Variants in FOXK2 observed in about 807,000 individuals in gnomAD.
The protein encoded by FOXK2 is forkhead box protein K2.
A neutral mutation model predicts 53.3 loss-of-function variants in FOXK2; 24 were observed. The observed-to-expected ratio is 0.45, with a 90% CI of 0.33 to 0.63. FOXK2 has a LOEUF of 0.63. Ranked by LOEUF, FOXK2 falls within the 30% of genes least tolerant of loss-of-function variation. The pLI is 0.03. For missense variants in FOXK2, 952 were observed against 910.5 expected, an observed-to-expected ratio of 1.05 and a Z score of -0.59; for synonymous variants, 505 against 407.1, an observed-to-expected ratio of 1.24 and a Z score of -2.89.
chr17:82,538,171 C>T (rs1397749696), intron 1 of FOXK2, among the ~76,000 whole-genome samples: 5 of 151,048 alleles, frequency 3.3e-5, no homozygotes, highest in Non-Finnish European at 7.4e-5. Flanking sequence ...TGCAGTGAGC[C>T]GAGATCGTGC....
At chr17:82,572,489 A>AT (rs10569874) in intron 4 of FOXK2, among the ~76,000 whole-genome samples, 210 of 143,390 alleles carry the variant, frequency 1.5e-3, no homozygotes, top group Middle Eastern at 3.6e-3. Flanking sequence ...CACACCAATA[A>AT]TTTTTTTTTT....
chr17:82,545,901 C>T (rs537297648), intron 1 of FOXK2, among the ~76,000 whole-genome samples: 1 of 152,030 alleles, frequency 6.6e-6, no homozygotes, highest in Non-Finnish European at 1.5e-5. Context: ...AGCTTTCTTA[C>T]CAACATGTTG....
intron 3 of FOXK2, among the ~76,000 whole-genome samples, chr17:82,570,083 G>A (rs1027029144): frequency 7.3e-5 from 11 of 151,626 alleles, no homozygotes; most frequent in African/African-American, 2.4e-4. Context: ...TTAGCTGGGC[G>A]TGTTGGCAGG....
rs542220221 is a variant in FOXK2 at position 82,553,958 on chromosome 17, C to T, written c.420-9396C>T. ...ATGCCATTCTCCTGCCTCAGTCTCC[C>T]GAGTATTTGGGACTACAGGCGCCCA... is the stretch of plus-strand genomic sequence containing the variant. On this transcript the variant is annotated intron_variant, in intron 1 of 8. Coordinates refer to ENST00000335255, the MANE Select transcript of FOXK2 (RefSeq NM_004514.4). Among the ~76,000 whole-genome samples the T allele has an allele frequency of 4.6e-5, 7 of 152,170 alleles. No individual in the cohort carries two copies. The East Asian group carries it at 7.7e-4, about 17-fold the overall frequency.
At chr17:82,553,566 C>T (rs975601150) in intron 1 of FOXK2, among the ~76,000 whole-genome samples, 1 of 152,252 alleles carries the variant, frequency 6.6e-6, no homozygotes, top group African/African-American at 2.4e-5. Flanking sequence ...TCCACAGAAG[C>T]ACAAACATGG....
At chr17:82,546,275 C>T (rs748649274) in intron 1 of FOXK2, among the ~76,000 whole-genome samples, 11 of 151,994 alleles carry the variant, frequency 7.2e-5, no homozygotes, top group Middle Eastern at 6.8e-3. Flanking sequence ...TGCCACCACT[C>T]CCGCCTAATT....
chr17:82,530,742 G>T (rs751652742), intron 1 of FOXK2, among the ~76,000 whole-genome samples: 4 of 152,130 alleles, frequency 2.6e-5, no homozygotes, highest in African/African-American at 4.8e-5. Context: ...ACTCCTGACT[G>T]CAGGTGATTC....
intron 1 of FOXK2, among the ~76,000 whole-genome samples, chr17:82,558,601 T>A (rs1224720060): frequency 6.6e-6 from 1 of 152,244 alleles, no homozygotes; most frequent in Non-Finnish European, 1.5e-5. Flanking sequence ...GTTGGAATTG[T>A]GCACACTGCT....
At chr17:82,546,550 T>C (rs1020938229) in intron 1 of FOXK2, among the ~76,000 whole-genome samples, 1 of 151,864 alleles carries the variant, frequency 6.6e-6, no homozygotes, top group Non-Finnish European at 1.5e-5. Context: ...AGGTCCCGAG[T>C]GGAGGGAGAG....
intron 4 of FOXK2, 133 bp downstream of exon 4, chr17:82,572,003 A>T: frequency 1.2e-6 from 1 of 833,958 alleles, no homozygotes; most frequent in East Asian, 3.2e-5. Flanking sequence ...GCTGAGAGGA[A>T]GAGGAGTTGG....
At chr17:82,556,993 G>A (rs1321729572) in intron 1 of FOXK2, among the ~76,000 whole-genome samples, 3 of 151,008 alleles carry the variant, frequency 2.0e-5, no homozygotes, top group Non-Finnish European at 2.9e-5. Context: ...GTGAGCCACC[G>A]TGTCCAGCCT....
intron 8 of FOXK2, among the ~76,000 whole-genome samples, chr17:82,597,988 C>G (rs775415827): frequency 3.9e-5 from 6 of 152,154 alleles, no homozygotes; most frequent in Non-Finnish European, 8.8e-5. Flanking sequence ...CACTACTGTT[C>G]TCTAATTGAC....
In FOXK2 at chr17:82,602,621, T is replaced by TG. The variant is rs1353797466; in HGVS notation, c.*1126dup. The TG allele has an allele frequency of 2.0e-5, 3 of 152,322 alleles. No homozygotes were observed. The highest frequency in any genetic ancestry group is 2.9e-5 in the Non-Finnish European group (2 of 68,088). The allele number at this position is 152,322 out of a possible 1,614,324, so 9.4% of individuals were successfully genotyped here. A position where few individuals can be genotyped will look rare whatever the true frequency, so the allele number is the denominator to read the frequency against. On this transcript the variant is annotated 3_prime_UTR_variant, in exon 9 of 9. Transcript: ENST00000335255. ...CGAGCCACGTCCTGCAGGGCACGTC[T>TG]GGGGCATTTCCTGTTTTGTGGTAGG...
chr17:82,587,057 T>C lies in FOXK2; in HGVS notation c.1577-6T>C, dbSNP rs1209146024. The C allele has an allele frequency of 2.5e-6, 4 of 1,609,694 alleles. No homozygotes were observed. The highest frequency in any genetic ancestry group is 1.3e-5 in the African/African-American group (1 of 74,916). ...ATTAATGTCGTTTCTTTTCCTTTAATTTCAGTGAAAGTAGAGCCTATTCCC... is the reference window on the plus strand; with the variant it reads ...ATTAATGTCGTTTCTTTTCCTTTAACTTCAGTGAAAGTAGAGCCTATTCCC... On this transcript the variant is annotated splice_polypyrimidine_tract_variant and splice_region_variant and intron_variant, in intron 7 of 8. Coordinates refer to ENST00000335255, the MANE Select transcript of FOXK2 (RefSeq NM_004514.4).
At chr17:82,596,333 G>C in intron 8 of FOXK2, 1 of 533,056 alleles carries the variant, frequency 1.9e-6, no homozygotes, top group Non-Finnish European at 2.4e-6. Flanking sequence ...CCTTCTCATC[G>C]TTCCTGCTGT....
chr17:82,584,475 C>T (rs958501034), intron 6 of FOXK2, among the ~76,000 whole-genome samples: 14 of 148,484 alleles, frequency 9.4e-5, no homozygotes, highest in Non-Finnish European at 1.8e-4. Context: ...GCACCCCCAC[C>T]CCCCGCAAAA....
intron 5 of FOXK2, 33 bp downstream of exon 5, chr17:82,582,967 C>A: frequency 6.8e-7 from 1 of 1,466,252 alleles, no homozygotes; most frequent in South Asian, 1.4e-5. Context: ...GGCCTCACTT[C>A]GTGCTTACTA....
chr17:82,530,889 G>T (rs1275921761), intron 1 of FOXK2, among the ~76,000 whole-genome samples: 2 of 152,156 alleles, frequency 1.3e-5, no homozygotes, highest in African/African-American at 4.8e-5. Flanking sequence ...AGTATATAGA[G>T]AATGTTTTAA....
At chr17:82,548,389 C>T (rs539284158) in intron 1 of FOXK2, among the ~76,000 whole-genome samples, 2 of 152,062 alleles carry the variant, frequency 1.3e-5, no homozygotes, top group Admixed American at 6.6e-5. Context: ...TTACATCAAC[C>T]GTGGTTTAAT....
Sources: allele counts gnomAD v4.1 joint callset (sites outside exome capture counted in the v4.1 genomes callset), GRCh38; gene constraint gnomAD v4.1.1; transcripts MANE v1.5; gene names NCBI Gene and HGNC (gene_info 2026-07-23, HGNC 2026-07-21).